Variants in PALM2AKAP2 observed in about 807,000 individuals in gnomAD.
The protein encoded by PALM2AKAP2 is PALM2-AKAP2 fusion protein.
In PALM2AKAP2, 37 loss-of-function variants were observed where a neutral mutation model predicts 71.5. The observed-to-expected ratio is 0.52, with a 90% CI of 0.40 to 0.68. The LOEUF is 0.68. PALM2AKAP2 is among the 30% of genes least tolerant of loss of function. PALM2AKAP2 has a pLI of 0.00. For synonymous variants in PALM2AKAP2, 468 were observed against 478.8 expected, an observed-to-expected ratio of 0.98 and a Z score of 0.29; for missense variants, 1,224 against 1,191.8, an observed-to-expected ratio of 1.03 and a Z score of -0.40.
At chr9:110,072,339 G>A (rs1479267341) in intron 1 of PALM2AKAP2, among the ~76,000 whole-genome samples, 1 of 152,160 alleles carries the variant, frequency 6.6e-6, no homozygotes, top group Non-Finnish European at 1.5e-5. Context: ...GGCTAAGGGT[G>A]GCAAGGGGCC....
Position 110,148,794 on chromosome 9 carries a change from C to G in PALM2AKAP2, c.2570-7525C>G, listed in dbSNP as rs577909737. 3.3e-5 allele frequency: 5 copies of G among 152,280 alleles called. No homozygotes were observed. In the Middle Eastern group the frequency reaches 0.01, roughly 311 times the overall value. 9.4% of individuals were successfully genotyped at this position (152,280 alleles called of 1,614,324 possible). A position where few individuals can be genotyped will look rare whatever the true frequency, so the allele number is the denominator to read the frequency against. On this transcript the variant is annotated intron_variant, in intron 2 of 3. Coordinates refer to ENST00000374525, the Ensembl canonical transcript of PALM2AKAP2. ...TTTGAGAAATGTGGAAACAAAGGCT[C>G]TTTGATTTAAGACCTCAGACTTCAT... is the stretch of plus-strand genomic sequence containing the variant.
At chr9:110,061,870 G>T (rs474561) in intron 1 of PALM2AKAP2, among the ~76,000 whole-genome samples, 35,655 of 140,466 alleles carry the variant, frequency 0.25, 5,738 homozygotes, top group African/African-American at 0.36. Context: ...TACAGATGAA[G>T]AAACAGACAC....
chr9:110,132,875 G>T (rs960379343), intron 1 of PALM2AKAP2, among the ~76,000 whole-genome samples: 6 of 152,220 alleles, frequency 3.9e-5, no homozygotes, highest in Non-Finnish European at 7.3e-5. Flanking sequence ...CTCTCAAAGT[G>T]CTGGGATTAC....
chr9:110,060,608 G>A (rs1219945243), intron 1 of PALM2AKAP2, among the ~76,000 whole-genome samples: 6 of 151,380 alleles, frequency 4.0e-5, no homozygotes, highest in African/African-American at 1.5e-4. Context: ...GTTTTTGTTT[G>A]TTTGTTTGTT....
At chr9:110,166,411 A>G (rs1392647496) in intron 3 of PALM2AKAP2, among the ~76,000 whole-genome samples, 1 of 152,226 alleles carries the variant, frequency 6.6e-6, no homozygotes, top group African/African-American at 2.4e-5. Context: ...GAGATAAAAG[A>G]TGAACAACAA....
intron 6 of PALM2AKAP2, among the ~76,000 whole-genome samples, chr9:110,008,190 C>T (rs10980144): frequency 0.083 from 12,692 of 152,074 alleles, 787 homozygotes; most frequent in East Asian, 0.34. Flanking sequence ...CTAGTTTCTA[C>T]GGCTAGCCCT....
chr9:109,937,416 C>T (rs373717480), intron 6 of PALM2AKAP2, among the ~76,000 whole-genome samples: 5 of 152,106 alleles, frequency 3.3e-5, no homozygotes, highest in African/African-American at 1.2e-4. Context: ...AAACCAAATG[C>T]GGAGGCCCAA....
At chr9:109,726,616 T>G (rs965487989) in intron 1 of PALM2AKAP2, among the ~76,000 whole-genome samples, 2 of 152,246 alleles carry the variant, frequency 1.3e-5, no homozygotes, top group Admixed American at 1.3e-4. Context: ...TAATACATAG[T>G]TATTTTTGGT....
At chr9:109,659,976 A>C (rs1052707961) in intron 1 of PALM2AKAP2, among the ~76,000 whole-genome samples, 2 of 151,952 alleles carry the variant, frequency 1.3e-5, no homozygotes, top group African/African-American at 4.8e-5. Flanking sequence ...AAGTAGCTGG[A>C]ACTACAGGCA....
rs568577263 is a variant in PALM2AKAP2, at chr9:109,690,808, C to T, written c.5+49942C>T. On this transcript the variant is annotated intron_variant, in intron 1 of 6. Coordinates refer to the PALM2AKAP2 transcript ENST00000374531. ...CTGGTTATTAAGTTCGGATCACATC[C>T]TATACCTTTAAAGATGAAACAAGAT... 5.9e-5 allele frequency among the ~76,000 whole-genome samples: 9 copies of T among 152,292 alleles called. No homozygotes were observed. The South Asian group carries it at 1.0e-3, about 18-fold the overall frequency.
intron 6 of PALM2AKAP2, among the ~76,000 whole-genome samples, chr9:109,970,634 A>T (rs1441093468): frequency 6.6e-6 from 1 of 152,256 alleles, no homozygotes; most frequent in Non-Finnish European, 1.5e-5. Context: ...CTGGTGATAC[A>T]TTCAGCACTG....
At chr9:109,839,694 G>T (rs142759198) in intron 1 of PALM2AKAP2, among the ~76,000 whole-genome samples, 2,094 of 152,304 alleles carry the variant, frequency 0.014, 39 homozygotes, top group African/African-American at 0.048. Flanking sequence ...CAAAATCAGT[G>T]TGCAAAATTC....
At chr9:110,148,361 G>C (rs1172485248) in intron 2 of PALM2AKAP2, among the ~76,000 whole-genome samples, 1 of 152,240 alleles carries the variant, frequency 6.6e-6, no homozygotes. Context: ...TCTCAGACTT[G>C]TTTGCCAAGC....
intron 3 of PALM2AKAP2, among the ~76,000 whole-genome samples, chr9:109,907,993 G>C (rs1208423806): frequency 6.6e-6 from 1 of 152,188 alleles, no homozygotes; most frequent in Non-Finnish European, 1.5e-5. Flanking sequence ...CAGAGGTGCT[G>C]TTTATTCTTT....
chr9:109,675,270 C>T (rs1382829190), intron 1 of PALM2AKAP2, among the ~76,000 whole-genome samples: 1 of 151,980 alleles, frequency 6.6e-6, no homozygotes, highest in Non-Finnish European at 1.5e-5. Flanking sequence ...TGCAAGCCCA[C>T]TGCTCTTTCA....
At chr9:110,052,384 T>C (rs1833729549) in intron 1 of PALM2AKAP2, among the ~76,000 whole-genome samples, 1 of 152,250 alleles carries the variant, frequency 6.6e-6, no homozygotes, top group Admixed American at 6.5e-5. Flanking sequence ...GTTAAGGTAA[T>C]CCATATACAT....
intron 1 of PALM2AKAP2, among the ~76,000 whole-genome samples, chr9:109,833,374 T>G (rs1359188746): frequency 1.3e-5 from 2 of 151,814 alleles, no homozygotes; most frequent in Admixed American, 6.6e-5. Flanking sequence ...AAAGAAAAAA[T>G]AAAACATGAA....
chr9:110,107,763 C>T (rs2118914501), intron 1 of PALM2AKAP2, among the ~76,000 whole-genome samples: 1 of 152,232 alleles, frequency 6.6e-6, no homozygotes, highest in South Asian at 2.1e-4. Flanking sequence ...GACGAGGTTT[C>T]ACCATGTTAG....
At chr9:109,776,671 T>G (rs77942057), upstream of PALM2AKAP2, among the ~76,000 whole-genome samples, 2,197 of 152,292 alleles carry the variant, frequency 0.014, 64 homozygotes, top group African/African-American at 0.05. Flanking sequence ...ACTATGGCTT[T>G]TAATATGGGA....
Sources: allele counts gnomAD v4.1 joint callset (sites outside exome capture counted in the v4.1 genomes callset), GRCh38; gene constraint gnomAD v4.1.1; transcripts MANE v1.5; gene names NCBI Gene and HGNC (gene_info 2026-07-23, HGNC 2026-07-21).